KNTC1: variants seen among roughly 807,000 people sequenced by gnomAD.
KNTC1 encodes the protein kinetochore associated 1, also known as kinetochore-associated protein 1.
Under a neutral mutation model 314.4 loss-of-function variants are expected in KNTC1, and 253 were observed. The observed-to-expected ratio is 0.80, with a 90% CI of 0.73 to 0.89. The LOEUF (loss-of-function observed/expected upper bound fraction) is 0.89, where lower values mean the gene tolerates loss of function less well. Ranked by LOEUF, KNTC1 falls within the 40% of genes least tolerant of loss-of-function variation. The pLI is 0.00. For synonymous variants in KNTC1, 901 were observed against 901.4 expected (o/e 1.00, Z 0.01); for missense variants, 2,475 against 2,572.9 (o/e 0.96, Z 0.82).
At position 122,585,664 on chromosome 12, in the gene KNTC1, A is replaced by G; in HGVS notation, c.3563A>G (p.Tyr1188Cys). 1.2e-6 allele frequency: 2 copies of G among 1,613,896 alleles called. No individual in the cohort carries two copies. The highest frequency in any genetic ancestry group is 4.5e-5 in the East Asian group (2 of 44,874). Residue 1188 changes from tyrosine (Y) to cysteine (C), a missense_variant, in exon 37 of 64, where the codon TAT (tyrosine) becomes TGT (cysteine). Transcript: ENST00000333479. ...TCTTTTGGGACACATAAAGATCCAT[A>G]TGAAGAGTGGTCTTACAGTGACTTC... ...KASFGTHKDP[Y>C]EEWSYSDFFS...
At chr12:122,598,838 G>A (rs1433978832) in intron 44 of KNTC1, among the ~76,000 whole-genome samples, 1 of 145,930 alleles carries the variant, frequency 6.9e-6, no homozygotes, top group Non-Finnish European at 1.5e-5. Context: ...TTGAGATAGG[G>A]TCTCACTGTC....
In KNTC1 at chr12:122,615,026, C is replaced by T. The variant is rs75711038; in HGVS notation, c.5913C>T (p.Tyr1971=). Residue 1971 remains tyrosine (Y), a synonymous_variant, in exon 56 of 64, where the codon TAC becomes TAT. Transcript: ENST00000333479. ...TGGTGACTGAGCTGTGTTTAGAATA[C>T]AAAATCTATGACCTGCAGCTTTGGA... The part of the protein sequence containing the change: ...VRLVTELCLE[Y]KIYDLQLWNG... 2,474 of 1,613,464 alleles carry T rather than the reference C, an allele frequency of 1.5e-3. 32 individuals are homozygous for T. The African/African-American group carries it at 0.029, about 19-fold the overall frequency.
Position 122,615,106 on chromosome 12 carries a change from C to G in KNTC1, c.5973+20C>G, listed in dbSNP as rs1254320406. ...AATATGGTAAGTAAGACTCAATGCC[C>G]TCGACTAAGTATATTTGAAAGCTTT... On this transcript the variant is annotated intron_variant, in intron 56 of 63. Transcript: ENST00000333479. 1 of 1,527,266 alleles carries G rather than the reference C, an allele frequency of 6.5e-7. No individual in the cohort carries two copies. The highest frequency in any genetic ancestry group is 1.1e-5 in the South Asian group (1 of 87,192). The allele number at this position is 1,527,266 out of a possible 1,614,324, so 94.6% of individuals were successfully genotyped here.
At chr12:122,560,602 C>A (rs561338628) in intron 18 of KNTC1, among the ~76,000 whole-genome samples, 1 of 152,240 alleles carries the variant, frequency 6.6e-6, no homozygotes, top group South Asian at 2.1e-4. Flanking sequence ...TGAACCCTGA[C>A]TTCAAGTGAT....
intron 56 of KNTC1, among the ~76,000 whole-genome samples, 162 bp from the exon 57 acceptor site, chr12:122,615,308 C>G (rs1873653506): frequency 6.6e-6 from 1 of 152,100 alleles, no homozygotes; most frequent in African/African-American, 2.4e-5. Context: ...GTTCCCTAGC[C>G]TTTTTTGATA....
Position 122,591,431 on chromosome 12 carries a change from G to A in KNTC1, c.4223G>A (p.Gly1408Asp). ...GAACTCAGTACTGATGCCCAGTGGG[G>A]CATTCGTCTTGGTAAACTTGGTGTG... The part of the protein sequence containing the change: ...FRELSTDAQW[G>D]IRLGKLGISF... The change falls in exon 42 of 64, where the codon GGC (glycine) becomes GAC (aspartate). Residue 1408 changes from glycine (G) to aspartate (D), a missense_variant. Transcript: ENST00000333479. 2 of 1,588,740 alleles carry A rather than the reference G, an allele frequency of 1.3e-6. No individual in the cohort carries two copies. Among genetic ancestry groups the A allele is most frequent in the Non-Finnish European group, 1.7e-6 (2 of 1,159,188 alleles).
chr12:122,533,403 A>T (rs1487440245), intron 2 of KNTC1, among the ~76,000 whole-genome samples: 1 of 152,154 alleles, frequency 6.6e-6, no homozygotes, highest in East Asian at 1.9e-4. Context: ...AAGTAAAAAG[A>T]TAAGAAGGAG....
At chr12:122,612,986 C>G in intron 53 of KNTC1, 126 bp from the exon 54 acceptor site, 1 of 654,092 alleles carries the variant, frequency 1.5e-6, no homozygotes, top group Admixed American at 2.7e-5. Flanking sequence ...CAGTGCGTTC[C>G]GTAACTGTAG....
In KNTC1 at chr12:122,605,397, T is replaced by C. The variant is rs370940003; in HGVS notation, c.5478T>C (p.Pro1826=). ...TGTTGTTGGAAAAATGGCTATGCCC[T>C]TCAACAAAACCTGGTGAAGTAAGTA... ...WDMLLEKWLC[P]STKPGEKPSE... Residue 1826 remains proline, a synonymous_variant, in exon 51 of 64, where the codon CCT becomes CCC. Transcript: ENST00000333479. The C allele has an allele frequency of 1.6e-4, 261 of 1,591,600 alleles. 2 individuals are homozygous for C. In the East Asian group the frequency reaches 2.5e-3, roughly 15 times the overall value.
intron 53 of KNTC1, chr12:122,612,851 A>G: frequency 2.6e-6 from 1 of 378,706 alleles, no homozygotes; most frequent in Non-Finnish European, 4.7e-6. Context: ...AAATATCAAC[A>G]CAGTGTAAAG....
At chr12:122,530,248 A>G in intron 2 of KNTC1, 56 bp downstream of exon 2, 1 of 1,500,540 alleles carries the variant, frequency 6.7e-7, no homozygotes, top group Non-Finnish European at 9.2e-7. Context: ...AGTGCTTAGT[A>G]GGGCTAGTGG....
chr12:122,620,726 T>TA, intron 60 of KNTC1, 118 bp downstream of exon 60: 2 of 1,051,764 alleles, frequency 1.9e-6, no homozygotes, highest in Non-Finnish European at 2.7e-6. Flanking sequence ...ATACATCAGA[T>TA]ATGTGTGAAG....
chr12:122,543,394 G>A (rs954438131), intron 6 of KNTC1, among the ~76,000 whole-genome samples: 10 of 152,154 alleles, frequency 6.6e-5, no homozygotes, highest in Admixed American at 3.3e-4. Flanking sequence ...GAAGAGAGGT[G>A]GTAAGGGTAG....
At position 122,575,872 on chromosome 12, in the gene KNTC1, G is replaced by A; in HGVS notation, c.2559G>A (p.Glu853=). ...KKLLRGYGIR[E]VNLLNKEIMR... ...TTTTACGAGGCTATGGAATAAGAGA[G>A]GTAAATCTCTTAAACAAGGAAATAA... is the stretch of plus-strand genomic sequence containing the variant. The change falls in exon 29 of 64, where the codon GAG becomes GAA. Residue 853 remains glutamate (E), a synonymous_variant. Transcript: ENST00000333479. The A allele has an allele frequency of 1.2e-6, 2 of 1,612,344 alleles. No homozygotes were observed. The highest frequency in any genetic ancestry group is 1.7e-6 in the Non-Finnish European group (2 of 1,179,382).
At position 122,535,889 on chromosome 12, in the gene KNTC1, G is replaced by GT. The variant is rs1190271040; in HGVS notation, c.250+1123dup. On this transcript the variant is annotated intron_variant, in intron 3 of 63. Transcript: ENST00000333479. ...GAGCTTAGGCAAGAATATTATGAAA[G>GT]TTTTTTTTTTTTTTTTTTGAGATGG... 8.8e-3 allele frequency among the ~76,000 whole-genome samples: 1,178 copies of GT among 133,516 alleles called. 13 individuals carry two copies. Among genetic ancestry groups the GT allele is most frequent in the African/African-American group, 0.02 (725 of 36,228 alleles). The allele number at this position is 133,516 out of a possible 152,430, so 87.6% of individuals were successfully genotyped here. A position where few individuals can be genotyped will look rare whatever the true frequency, so the allele number is the denominator to read the frequency against.
intron 20 of KNTC1, among the ~76,000 whole-genome samples, chr12:122,563,234 G>A (rs967699687): frequency 5.9e-5 from 9 of 151,898 alleles, no homozygotes; most frequent in East Asian, 1.9e-4. Context: ...GCAGTGGTGC[G>A]ATCATAGCTC....
chr12:122,623,677 T>C (rs1298897291), intron 62 of KNTC1, among the ~76,000 whole-genome samples: 2 of 152,148 alleles, frequency 1.3e-5, no homozygotes, highest in Admixed American at 6.6e-5. Flanking sequence ...CTCTGTGAAG[T>C]TGATTACATG....
At chr12:122,569,495 C>T (rs533997996) in intron 21 of KNTC1, among the ~76,000 whole-genome samples, 186 bp from the exon 22 acceptor site, 4 of 152,258 alleles carry the variant, frequency 2.6e-5, no homozygotes, top group Admixed American at 6.5e-5. Context: ...CACTCAGCGC[C>T]GTGACATTGC....
rs1256134155 is a variant in KNTC1 at position 122,575,623 on chromosome 12, G to A, written c.2463G>A (p.Gln821=). ...CAGCTGTGGAGCAACTGGTGAAACA[G>A]CACCTGGAAATGGACCATCCCAAGT... ...WSAAVEQLVK[Q]HLEMDHPKVK... is the part of the protein sequence containing the mutation. Residue 821 remains glutamine, a synonymous_variant, in exon 28 of 64, where the codon CAG becomes CAA. Transcript: ENST00000333479. 1.9e-6 allele frequency: 3 copies of A among 1,594,288 alleles called. No individual in the cohort carries two copies. Among genetic ancestry groups the A allele is most frequent in the South Asian group, 1.1e-5 (1 of 87,858 alleles).
Sources: gnomAD v4.1 joint callset for allele counts (sites outside exome capture counted in the v4.1 genomes callset) on GRCh38, gnomAD v4.1.1 for gene constraint, MANE v1.5 for transcripts, NCBI Gene and HGNC (gene_info 2026-07-23, HGNC 2026-07-21) for gene names.